Variants in TXNDC16 observed in about 807,000 individuals in gnomAD.
The protein encoded by TXNDC16 is thioredoxin domain containing 16, also known as thioredoxin domain-containing protein 16.
Under a neutral mutation model 85.6 loss-of-function variants are expected in TXNDC16, and 74 were observed. The observed-to-expected ratio is 0.86, with a 90% CI of 0.72 to 1.05. The LOEUF (loss-of-function observed/expected upper bound fraction) is 1.05, where lower values mean the gene tolerates loss of function less well. Among genes scored for constraint, TXNDC16 ranks in the 50% least tolerant of loss-of-function variants. TXNDC16 has a pLI of 0.00. For missense variants in TXNDC16, 959 were observed against 947.0 expected, an observed-to-expected ratio of 1.01 and a Z score of -0.17; for synonymous variants, 335 against 326.5, an observed-to-expected ratio of 1.03 and a Z score of -0.28.
At position 52,439,342 on chromosome 14, in the gene TXNDC16, G is replaced by A; in HGVS notation, c.2056C>T (p.Pro686Ser). The change falls in exon 20 of 21, where the codon CCT (proline) becomes TCT (serine). Residue 686 changes from proline to serine, a missense_variant. Physicochemically the swap from Pro to Ser is moderately conservative, Grantham distance 74. Coordinates refer to ENST00000281741, the MANE Select transcript of TXNDC16 (RefSeq NM_020784.3). ...GILRAYFDPL[P>S]PLPLLVLVNL... ...ACCAAAACAAGAAGAGGAAGGGGAG[G>A]CAGAGGATCAAAATATGCCCTCAAG... 1 of 1,613,936 alleles carries A rather than the reference G, an allele frequency of 6.2e-7. No individual in the cohort carries two copies. The highest frequency in any genetic ancestry group is 8.5e-7 in the Non-Finnish European group (1 of 1,179,934).
intron 12 of TXNDC16, among the ~76,000 whole-genome samples, chr14:52,486,342 G>A (rs1285015609): frequency 3.6e-5 from 5 of 139,700 alleles, no homozygotes; most frequent in Admixed American, 7.7e-5. Context: ...GGAGTGCACT[G>A]GCAAGATCTC....
At chr14:52,491,042 C>T in intron 9 of TXNDC16, 37 bp from the exon 10 acceptor site, 2 of 1,508,432 alleles carry the variant, frequency 1.3e-6, no homozygotes, top group Non-Finnish European at 1.8e-6. Context: ...GGTGTGATAA[C>T]AATATTCCAA....
At chr14:52,486,412 G>T (rs2036273295) in intron 12 of TXNDC16, among the ~76,000 whole-genome samples, 5 of 151,316 alleles carry the variant, frequency 3.3e-5, no homozygotes. Flanking sequence ...GCCTCCCAAG[G>T]AGCTGGGATT....
intron 20 of TXNDC16, among the ~76,000 whole-genome samples, chr14:52,434,864 G>A (rs372970290): frequency 3.3e-5 from 5 of 152,296 alleles, no homozygotes; most frequent in African/African-American, 1.2e-4. Context: ...GAGCAGTGAT[G>A]CATAGAAATG....
chr14:52,469,700 G>A (rs531238346), intron 16 of TXNDC16, among the ~76,000 whole-genome samples: 23 of 152,140 alleles, frequency 1.5e-4, no homozygotes, highest in Admixed American at 1.0e-3. Flanking sequence ...CCGACATCAC[G>A]CCACTGCACT....
chr14:52,499,547 G>A (rs901363818), intron 9 of TXNDC16, among the ~76,000 whole-genome samples: 4 of 151,372 alleles, frequency 2.6e-5, no homozygotes, highest in African/African-American at 7.3e-5. Flanking sequence ...ACTAATCATC[G>A]GGAAAATAAA....
rs1188239896 is a variant in TXNDC16, at chr14:52,432,604, A to G, written c.2195-17T>C. The G allele has an allele frequency of 6.3e-7, 1 of 1,587,198 alleles. No homozygotes were observed. The highest frequency in any genetic ancestry group is 1.2e-5 in the South Asian group (1 of 85,832). ...GTAAAATTGCTGGAAGGAAGAAACA[A>G]TCAAAGGTTAAAGATTAACAGCTAT... On this transcript the variant is annotated splice_polypyrimidine_tract_variant and intron_variant, in intron 20 of 20. Transcript: ENST00000281741.
intron 12 of TXNDC16, among the ~76,000 whole-genome samples, chr14:52,487,981 A>T (rs2036307882): frequency 6.6e-6 from 1 of 152,266 alleles, no homozygotes; most frequent in Admixed American, 6.5e-5. Flanking sequence ...AAGTACAAAT[A>T]TAACAATATT....
At chr14:52,469,840 T>C (rs905910349) in intron 16 of TXNDC16, among the ~76,000 whole-genome samples, 197 bp downstream of exon 16, 27 of 152,158 alleles carry the variant, frequency 1.8e-4, no homozygotes, top group African/African-American at 6.5e-4. Flanking sequence ...AATCTGTAGG[T>C]ACACAGAAAA....
At chr14:52,547,917 G>T (rs1410439501) in intron 1 of TXNDC16, among the ~76,000 whole-genome samples, 1 of 152,214 alleles carries the variant, frequency 6.6e-6, no homozygotes, top group African/African-American at 2.4e-5. Flanking sequence ...CTAGTTCTCT[G>T]CACGTTAAAA....
chr14:52,495,557 G>C (rs115342549), intron 9 of TXNDC16, among the ~76,000 whole-genome samples: 1 of 152,310 alleles, frequency 6.6e-6, no homozygotes, highest in African/African-American at 2.4e-5. Context: ...AGGGTGACAT[G>C]ATAAGGGGAG....
intron 6 of TXNDC16, 32 bp downstream of exon 6, chr14:52,536,687 T>TA: frequency 1.3e-6 from 2 of 1,532,222 alleles, no homozygotes; most frequent in Non-Finnish European, 1.8e-6. Flanking sequence ...AAGTAACAAG[T>TA]AAACAAATGA....
At chr14:52,520,577 T>C (rs1166575846) in intron 6 of TXNDC16, among the ~76,000 whole-genome samples, 1 of 152,016 alleles carries the variant, frequency 6.6e-6, no homozygotes, top group Non-Finnish European at 1.5e-5. Context: ...GCCACTGCAC[T>C]CCAGCCTGGG....
intron 6 of TXNDC16, among the ~76,000 whole-genome samples, chr14:52,526,611 T>C (rs963588973): frequency 6.6e-6 from 1 of 152,214 alleles, no homozygotes; most frequent in African/African-American, 2.4e-5. Context: ...AACATATCTG[T>C]GATACTGTAA....
Position 52,490,387 on chromosome 14 carries a change from TA to T in TXNDC16, c.984+3del. On this transcript the variant is annotated splice_donor_region_variant and intron_variant, in intron 11 of 20. Coordinates refer to ENST00000281741, the MANE Select transcript of TXNDC16 (RefSeq NM_020784.3). ...ATTGTAGAACAATACATAAAACAAC[TA>T]ACCTCTTCTGCTCTTTTGAAGACCA... The T allele has an allele frequency of 6.3e-7, 1 of 1,586,496 alleles. No homozygotes were observed. Among genetic ancestry groups the T allele is most frequent in the South Asian group, 1.2e-5 (1 of 85,300 alleles).
At chr14:52,508,186 C>G (rs932366159) in intron 9 of TXNDC16, among the ~76,000 whole-genome samples, 3 of 152,114 alleles carry the variant, frequency 2.0e-5, no homozygotes, top group Non-Finnish European at 4.4e-5. Flanking sequence ...GGCTAATATC[C>G]AGAATCTACA....
rs1316869911 is a variant in TXNDC16, at chr14:52,530,317, TA to T, written c.392+6401del. ...ATATATAATATTAATATATAATATATAATTATTTTTATATTATATATAATTA... is the reference window on the plus strand; with the variant it reads ...ATATATAATATTAATATATAATATATATTATTTTTATATTATATATAATTA... On this transcript the variant is annotated intron_variant, in intron 6 of 20. Transcript: ENST00000281741. 5.1e-4 allele frequency among the ~76,000 whole-genome samples: 26 copies of T among 50,500 alleles called. 4 individuals are homozygous for T. Among genetic ancestry groups the T allele is most frequent in the African/African-American group, 2.0e-3 (25 of 12,372 alleles). The allele number at this position is 50,500 out of a possible 152,430, so 33.1% of individuals were successfully genotyped here.
At chr14:52,502,068 A>C (rs1446353181) in intron 9 of TXNDC16, among the ~76,000 whole-genome samples, 2 of 152,212 alleles carry the variant, frequency 1.3e-5, no homozygotes, top group Non-Finnish European at 2.9e-5. Context: ...CACTCTGCCA[A>C]GTATTCCTAG....
chr14:52,469,918 TC>T, intron 16 of TXNDC16, 118 bp downstream of exon 16: 1 of 992,460 alleles, frequency 1.0e-6, no homozygotes, highest in Non-Finnish European at 1.4e-6. Context: ...ATTTTATTTT[TC>T]TTCAAACTTC....
Sources: gnomAD v4.1 joint callset for allele counts (sites outside exome capture counted in the v4.1 genomes callset) on GRCh38, gnomAD v4.1.1 for gene constraint, MANE v1.5 for transcripts, NCBI Gene and HGNC (gene_info 2026-07-23, HGNC 2026-07-21) for gene names.